BTAF1: variants seen among roughly 807,000 people sequenced by gnomAD.
BTAF1 encodes B-TFIID TATA-box binding protein associated factor 1.
A neutral mutation model predicts 227.1 loss-of-function variants in BTAF1; 38 were observed. The ratio of observed to expected loss-of-function variants is 0.17; its 90% CI spans 0.13 to 0.22. The LOEUF (loss-of-function observed/expected upper bound fraction) is 0.22. BTAF1 is among the 10% of genes least tolerant of loss of function. The probability of loss-of-function intolerance (pLI) is 1.00; values close to 1 mark genes in which losing one functional copy is unlikely to be tolerated. For synonymous variants in BTAF1, 742 were observed against 751.9 expected (o/e 0.99, Z 0.21); for missense variants, 1,598 against 2,204.0 (o/e 0.73, Z 5.51).
chr10:91,975,251 A>G lies in BTAF1; in HGVS notation c.1651-5203A>G, dbSNP rs1847602174. On this transcript the variant is annotated intron_variant, in intron 14 of 37. Transcript: ENST00000265990. ...TTTGAAAGGCAAGCTTAGTTATTAC[A>G]TGAAGATATACATGAGATTGAGTTG... Among the ~76,000 whole-genome samples the G allele has an allele frequency of 2.6e-5, 4 of 152,244 alleles. No individual in the cohort carries two copies. The South Asian group carries it at 6.2e-4, about 24-fold the overall frequency.
At chr10:91,993,573 T>C in intron 21 of BTAF1, 121 bp from the exon 22 acceptor site, 1 of 770,902 alleles carries the variant, frequency 1.3e-6, no homozygotes, top group Non-Finnish European at 1.8e-6. Context: ...AATAATTGCT[T>C]ACTTGGTTAA....
intron 33 of BTAF1, among the ~76,000 whole-genome samples, chr10:92,018,354 T>G (rs1850882067): frequency 6.6e-6 from 1 of 152,178 alleles, no homozygotes; most frequent in Admixed American, 6.5e-5. Flanking sequence ...CTGTTGGGAT[T>G]ACAGGGGTGA....
At chr10:91,934,836 C>T (rs894209114) in intron 1 of BTAF1, among the ~76,000 whole-genome samples, 6 of 152,088 alleles carry the variant, frequency 3.9e-5, no homozygotes, top group African/African-American at 1.4e-4. Flanking sequence ...CACCTAATCT[C>T]CACCAGTGTT....
chr10:92,000,513 C>T (rs1849447479), intron 25 of BTAF1, among the ~76,000 whole-genome samples: 1 of 152,136 alleles, frequency 6.6e-6, no homozygotes, highest in Non-Finnish European at 1.5e-5. Flanking sequence ...AGGGTCTAAA[C>T]TCTAATGCTT....
intron 1 of BTAF1, among the ~76,000 whole-genome samples, chr10:91,934,995 T>C (rs1459340704): frequency 6.6e-6 from 1 of 152,206 alleles, no homozygotes; most frequent in Non-Finnish European, 1.5e-5. Context: ...ATGTATCTTA[T>C]TGTACTTGAC....
intron 19 of BTAF1, among the ~76,000 whole-genome samples, chr10:91,988,923 C>T (rs1250835419): frequency 6.6e-6 from 1 of 152,062 alleles, no homozygotes; most frequent in African/African-American, 2.4e-5. Flanking sequence ...TTTTATTCTT[C>T]TCAAGAGAAT....
At chr10:91,932,405 G>GA (rs370889328) in intron 1 of BTAF1, among the ~76,000 whole-genome samples, 8 of 150,090 alleles carry the variant, frequency 5.3e-5, no homozygotes, top group African/African-American at 7.3e-5. Context: ...AAGGAAGCAG[G>GA]AAAAAAAAAG....
At position 91,986,254 on chromosome 10, in the gene BTAF1, A is replaced by G. The variant is rs111740723; in HGVS notation, c.2427+1850A>G. Among the ~76,000 whole-genome samples the G allele has an allele frequency of 6.5e-3, 994 of 152,250 alleles. 19 individuals are homozygous for G. The highest frequency in any genetic ancestry group is 0.023 in the African/African-American group (936 of 41,554). On this transcript the variant is annotated intron_variant, in intron 19 of 37. Transcript: ENST00000265990. ...GTTCTGGCACCTTTGTCAAAAACCA[A>G]CTGAAGTTATATAAGTATGCTGTGT...
At chr10:91,968,506 C>T (rs909975496) in intron 14 of BTAF1, among the ~76,000 whole-genome samples, 10 of 152,184 alleles carry the variant, frequency 6.6e-5, no homozygotes, top group Admixed American at 5.9e-4. Context: ...CAAACATTCA[C>T]GTGCAGGTTC....
intron 14 of BTAF1, among the ~76,000 whole-genome samples, chr10:91,967,226 A>G (rs1390315225): frequency 6.6e-6 from 1 of 152,118 alleles, no homozygotes; most frequent in African/African-American, 2.4e-5. Context: ...AGAGCATGCT[A>G]TTTTCAAGGA....
chr10:92,011,991 T>C (rs1417834841), intron 30 of BTAF1, among the ~76,000 whole-genome samples: 1 of 151,648 alleles, frequency 6.6e-6, no homozygotes, highest in African/African-American at 2.4e-5. Context: ...AGTAGAGAAG[T>C]AGACACCGTG....
chr10:91,991,292 A>ATATATATATAT (rs1848736961), intron 20 of BTAF1, among the ~76,000 whole-genome samples: 1 of 137,464 alleles, frequency 7.3e-6, no homozygotes, highest in African/African-American at 2.5e-5. Flanking sequence ...ATATATATAT[A>ATATATATATAT]AATTATCCGG....
rs746676348 is a variant in BTAF1, at chr10:91,992,319, T to A, written c.3045+10T>A. Reference sequence around the variant, plus strand: ...TGTTGAACTTGATGAGGTAAGTAGTTTTTTTTTTTTTTTAATGCTTTGATT... The same window carrying A: ...TGTTGAACTTGATGAGGTAAGTAGTATTTTTTTTTTTTTAATGCTTTGATT... On this transcript the variant is annotated intron_variant, in intron 21 of 37. Coordinates refer to ENST00000265990, the MANE Select transcript of BTAF1 (RefSeq NM_003972.3). 2 of 1,017,116 alleles carry A rather than the reference T, an allele frequency of 2.0e-6. No individual in the cohort carries two copies. The highest frequency in any genetic ancestry group is 6.3e-5 in the Admixed American group (2 of 31,744). 63.0% of individuals were successfully genotyped at this position (1,017,116 alleles called of 1,614,324 possible). A position where few individuals can be genotyped will look rare whatever the true frequency, so the allele number is the denominator to read the frequency against.
At chr10:92,016,613 G>A (rs1589979626) in intron 33 of BTAF1, 148 bp downstream of exon 33, 3 of 583,612 alleles carry the variant, frequency 5.1e-6, no homozygotes, top group African/African-American at 4.0e-5. Context: ...GTAGCTGGGA[G>A]TAGAGGTGTG....
chr10:91,951,323 A>T (rs1589790324), intron 4 of BTAF1, 80 bp from the exon 5 acceptor site: 2 of 1,402,968 alleles, frequency 1.4e-6, no homozygotes, highest in Non-Finnish European at 1.9e-6. Context: ...GTATTTTTTT[A>T]TTTTGATAGA....
chr10:91,962,817 AT>A (rs1846616132), intron 12 of BTAF1, 139 bp downstream of exon 12: 1 of 634,160 alleles, frequency 1.6e-6, no homozygotes, highest in East Asian at 3.0e-5. Flanking sequence ...GATGCATGCA[AT>A]CTTGATTATA....
chr10:91,980,597 C>T, intron 15 of BTAF1, 39 bp downstream of exon 15: 1 of 1,522,714 alleles, frequency 6.6e-7, no homozygotes, highest in Non-Finnish European at 9.1e-7. Flanking sequence ...TTCCTAGTAA[C>T]TTTTGTAGAT....
chr10:91,970,202 C>G (rs940073819), intron 14 of BTAF1, among the ~76,000 whole-genome samples: 1 of 151,838 alleles, frequency 6.6e-6, no homozygotes, highest in Non-Finnish European at 1.5e-5. Context: ...ACCAGAATGC[C>G]ATTGTCTTTG....
chr10:91,966,872 T>C (rs1846956537), intron 14 of BTAF1, 115 bp downstream of exon 14: 4 of 928,436 alleles, frequency 4.3e-6, no homozygotes, highest in Non-Finnish European at 4.6e-6. Context: ...ATGTTGGGCC[T>C]AGTGGTATGG....
Sources: allele counts gnomAD v4.1 joint callset (sites outside exome capture counted in the v4.1 genomes callset), GRCh38; gene constraint gnomAD v4.1.1; transcripts MANE v1.5; gene names NCBI Gene and HGNC (gene_info 2026-07-23, HGNC 2026-07-21).